CHODL: variants seen among roughly 807,000 people sequenced by gnomAD.
The protein encoded by CHODL is transmembrane protein MT75.
CHODL carries 29 observed loss-of-function variants against 34.5 expected under a neutral mutation model. That is an observed-to-expected ratio of 0.84 (90% CI 0.63 to 1.15). The LOEUF (loss-of-function observed/expected upper bound fraction) is 1.15. Among genes scored for constraint, CHODL ranks in the 50% most tolerant of loss-of-function variants. The pLI, the probability that CHODL is intolerant of heterozygous loss-of-function variation, is 0.00. For synonymous variants in CHODL, 125 were observed against 116.1 expected, an observed-to-expected ratio of 1.08 and a Z score of -0.49; for missense variants, 332 against 332.5, an observed-to-expected ratio of 1.00 and a Z score of 0.01.
intron 2 of CHODL, among the ~76,000 whole-genome samples, chr21:18,184,261 G>A (rs560367877): frequency 5.3e-5 from 8 of 152,084 alleles, no homozygotes; most frequent in Admixed American, 2.0e-4. Context: ...GTGTTTGAAA[G>A]TTTCTTTTAT....
At chr21:18,148,622 T>C (rs2072928315) in intron 2 of CHODL, among the ~76,000 whole-genome samples, 1 of 152,304 alleles carries the variant, frequency 6.6e-6, no homozygotes, top group Non-Finnish European at 1.5e-5. Flanking sequence ...CAAATATTCA[T>C]ATTTATGAAA....
intron 1 of CHODL, among the ~76,000 whole-genome samples, chr21:17,928,813 C>T (rs73321557): frequency 0.065 from 9,819 of 152,210 alleles, 872 homozygotes; most frequent in African/African-American, 0.2. Context: ...ACTGTGAATA[C>T]TGTACTTATT....
chr21:18,045,254 C>T (rs919329387), intron 2 of CHODL, among the ~76,000 whole-genome samples: 2 of 151,872 alleles, frequency 1.3e-5, no homozygotes, highest in African/African-American at 4.8e-5. Context: ...TGAATGATGG[C>T]CTCCAAAAAG....
rs1034765069 is a variant in CHODL, at chr21:18,009,076, A to G, written c.-144-18796A>G. Among the ~76,000 whole-genome samples, 4 of 152,354 alleles carry G rather than the reference A, an allele frequency of 2.6e-5. No homozygotes were observed. In the South Asian group the frequency reaches 8.3e-4, roughly 32 times the overall value. On this transcript the variant is annotated intron_variant, in intron 1 of 6. Transcript: ENST00000400127. ...AAACTATATGGTACATTGATTTTCT[A>G]ATTTTTAGTATATTGAAGCATTGCA...
At chr21:18,076,255 T>C (rs1319821128) in intron 2 of CHODL, among the ~76,000 whole-genome samples, 2 of 152,070 alleles carry the variant, frequency 1.3e-5, no homozygotes, top group Admixed American at 6.6e-5. Context: ...TGAACAGATG[T>C]TGGTAGAAAT....
chr21:18,212,361 T>G (rs2073782963), intron 2 of CHODL, among the ~76,000 whole-genome samples: 1 of 152,158 alleles, frequency 6.6e-6, no homozygotes, highest in African/African-American at 2.4e-5. Context: ...CATCATAGTT[T>G]GAAAAGGTTA....
chr21:18,175,227 G>A (rs900905593), intron 2 of CHODL, among the ~76,000 whole-genome samples: 8 of 152,074 alleles, frequency 5.3e-5, no homozygotes, highest in Non-Finnish European at 8.8e-5. Context: ...CATTTACCAT[G>A]GTATCTTACA....
chr21:18,109,262 C>G (rs1411610958), intron 2 of CHODL, among the ~76,000 whole-genome samples: 9 of 152,128 alleles, frequency 5.9e-5, no homozygotes. Context: ...GAGGGTAGAG[C>G]ATCCCTTCAT....
intron 2 of CHODL, among the ~76,000 whole-genome samples, chr21:18,128,323 AAAAAAAAAAAAAAAAAAAGAAG>A (rs2072605718): frequency 1.5e-5 from 2 of 137,478 alleles, no homozygotes; most frequent in East Asian, 2.0e-4. Context: ...AAAAAAAAAA[AAAAAAAAAAAAAAAAAAAGAAG>A]AAGAAGAAGA....
intron 1 of CHODL, among the ~76,000 whole-genome samples, chr21:17,999,409 A>G (rs1343742734): frequency 6.6e-6 from 1 of 152,096 alleles, no homozygotes; most frequent in Non-Finnish European, 1.5e-5. Flanking sequence ...AGTCACTTCC[A>G]CAGTTTTGGG....
chr21:17,929,091 C>T (rs2063250626), intron 1 of CHODL, among the ~76,000 whole-genome samples: 1 of 152,190 alleles, frequency 6.6e-6, no homozygotes, highest in Non-Finnish European at 1.5e-5. Flanking sequence ...CCAACATATT[C>T]AGTCAAGAAC....
rs1472619483 is a variant in CHODL at position 17,998,187 on chromosome 21, C to T, written c.-144-29685C>T. On this transcript the variant is annotated intron_variant, in intron 1 of 6. Coordinates refer to the CHODL transcript ENST00000400127. ...CATGCAAGTCTGAAATCCAGTGGGA[C>T]AGTCAAATTTTAAAGCTCCAAAATG... 2.0e-5 allele frequency among the ~76,000 whole-genome samples: 3 copies of T among 152,284 alleles called. No individual in the cohort carries two copies. In the East Asian group the frequency reaches 5.8e-4, roughly 29 times the overall value.
intron 2 of CHODL, among the ~76,000 whole-genome samples, chr21:18,183,914 T>C (rs1001804838): frequency 7.9e-5 from 12 of 152,308 alleles, no homozygotes; most frequent in African/African-American, 2.6e-4. Flanking sequence ...TTTTTGAAAG[T>C]CTGATTGTTT....
intron 2 of CHODL, among the ~76,000 whole-genome samples, chr21:18,102,550 T>C (rs2065228370): frequency 6.6e-6 from 1 of 152,168 alleles, no homozygotes; most frequent in Admixed American, 6.5e-5. Context: ...TCACTTATTT[T>C]TGAGGAAGTT....
In CHODL at chr21:18,071,441, G is replaced by A. The variant is rs200570314; in HGVS notation, c.-45+43470G>A. Reference sequence around the variant, plus strand: ...ATTACAGGCATGAGTCACCGCACCCGGCCAGCTACAGCTCTTTCAGTTGGT... The same window carrying A: ...ATTACAGGCATGAGTCACCGCACCCAGCCAGCTACAGCTCTTTCAGTTGGT... On this transcript the variant is annotated intron_variant, in intron 2 of 6. Transcript: ENST00000400127. 3.7e-4 allele frequency among the ~76,000 whole-genome samples: 56 copies of A among 151,988 alleles called. No individual in the cohort carries two copies. The East Asian group carries it at 5.6e-3, about 15-fold the overall frequency.
chr21:17,927,178 ATATATATG>A (rs2063235500), intron 1 of CHODL, among the ~76,000 whole-genome samples: 1 of 143,698 alleles, frequency 7.0e-6, no homozygotes, highest in African/African-American at 2.7e-5. Flanking sequence ...GTATATATGT[ATATATATG>A]TATATGTATG....
At chr21:18,258,226 G>T (rs1279889788) in intron 3 of CHODL, among the ~76,000 whole-genome samples, 2 of 151,676 alleles carry the variant, frequency 1.3e-5, no homozygotes, top group African/African-American at 4.8e-5. Flanking sequence ...TAACCATCTT[G>T]GTTGCTAAAC....
At chr21:18,253,962 T>C (rs1321660272) in intron 1 of CHODL, among the ~76,000 whole-genome samples, 1 of 152,092 alleles carries the variant, frequency 6.6e-6, no homozygotes, top group Admixed American at 6.5e-5. Flanking sequence ...TGTCAAGATA[T>C]TGAATGCCTA....
chr21:17,999,380 G>A (rs2063883268), intron 1 of CHODL, among the ~76,000 whole-genome samples: 1 of 152,106 alleles, frequency 6.6e-6, no homozygotes, highest in South Asian at 2.1e-4. Context: ...TCCAACCTCT[G>A]CCTGTTACCC....
Sources: allele counts gnomAD v4.1 joint callset (sites outside exome capture counted in the v4.1 genomes callset), GRCh38; gene constraint gnomAD v4.1.1; transcripts MANE v1.5; gene names NCBI Gene and HGNC (gene_info 2026-07-23, HGNC 2026-07-21).